CHRDL1: variants seen among roughly 807,000 people sequenced by gnomAD.
CHRDL1 encodes chordin-like protein 1.
A neutral mutation model predicts 40.9 loss-of-function variants in CHRDL1; 19 were observed. The observed-to-expected ratio is 0.46, with a 90% CI of 0.32 to 0.68. The LOEUF is 0.68. CHRDL1 is among the 30% of genes least tolerant of loss of function. The pLI, the probability that CHRDL1 is intolerant of heterozygous loss-of-function variation, is 0.03. For missense variants in CHRDL1, 329 were observed against 352.1 expected (o/e 0.93, Z 0.53); for synonymous variants, 136 against 123.4 (o/e 1.10, Z -0.68).
intron 2 of CHRDL1, among the ~76,000 whole-genome samples, chrX:110,767,204 G>C (rs192244172): frequency 1.0e-3 from 113 of 111,654 alleles, no homozygotes; most frequent in African/African-American, 3.5e-3. Context: ...TGTAATAAAA[G>C]CCATCTATGA....
At chrX:110,744,323 T>C (rs761331774) in intron 4 of CHRDL1, among the ~76,000 whole-genome samples, 6 of 108,640 alleles carry the variant, frequency 5.5e-5, no homozygotes, top group Non-Finnish European at 1.1e-4. Context: ...TTATGTATCC[T>C]GTCCTTTTAG....
chrX:110,708,276 C>A lies in CHRDL1; in HGVS notation c.542-7555G>T, dbSNP rs974214101. Reference sequence around the variant, plus strand: ...GAACCAGAAATACCATTTGACCTAGCAATCCCATTACTGAGTATATACCCA... The same window carrying A: ...GAACCAGAAATACCATTTGACCTAGAAATCCCATTACTGAGTATATACCCA... On this transcript the variant is annotated intron_variant, in intron 6 of 11. Transcript: ENST00000372042. Among the ~76,000 whole-genome samples the A allele has an allele frequency of 2.7e-5, 3 of 110,853 alleles. No individual in the cohort carries two copies. The East Asian group carries it at 8.5e-4, about 32-fold the overall frequency.
chrX:110,787,426 T>C (rs1161412730), intron 2 of CHRDL1, among the ~76,000 whole-genome samples: 1 of 111,891 alleles, frequency 8.9e-6, no homozygotes, highest in East Asian at 2.8e-4. Context: ...GAATATACTT[T>C]GAAAAGCATT....
intron 2 of CHRDL1, among the ~76,000 whole-genome samples, chrX:110,784,666 C>T (rs189024740): frequency 9.0e-6 from 1 of 111,283 alleles, no homozygotes; most frequent in Non-Finnish European, 1.9e-5. Context: ...CCTGCCTGGG[C>T]CTCCCACAGC....
At chrX:110,702,092 G>A (rs893815442) in intron 6 of CHRDL1, among the ~76,000 whole-genome samples, 1 of 111,033 alleles carries the variant, frequency 9.0e-6, no homozygotes, top group Non-Finnish European at 1.9e-5. Flanking sequence ...GTATAATCGT[G>A]TCATTCCCTG....
chrX:110,777,927 A>G (rs910048907), intron 2 of CHRDL1, among the ~76,000 whole-genome samples: 1 of 111,316 alleles, frequency 9.0e-6, no homozygotes, highest in African/African-American at 3.3e-5. Flanking sequence ...ATTGCCCAGA[A>G]CAGAATAAGA....
At chrX:110,786,293 T>C (rs1356173697) in intron 2 of CHRDL1, among the ~76,000 whole-genome samples, 2 of 112,507 alleles carry the variant, frequency 1.8e-5, no homozygotes, top group Admixed American at 1.9e-4. Context: ...TTTTATTTCA[T>C]CTTTAAAAAC....
At chrX:110,722,264 T>C (rs943524780) in intron 4 of CHRDL1, among the ~76,000 whole-genome samples, 1 of 111,406 alleles carries the variant, frequency 9.0e-6, no homozygotes, top group Admixed American at 9.4e-5. Context: ...CCCAAAGTGC[T>C]GGGATTACAG....
chrX:110,734,540 C>T lies in CHRDL1; in HGVS notation c.302-13010G>A, dbSNP rs73528227. Among the ~76,000 whole-genome samples the T allele has an allele frequency of 3.7e-3, 412 of 111,785 alleles. 3 individuals are homozygous for T. The highest frequency in any genetic ancestry group is 0.013 in the African/African-American group (386 of 30,723). Reference sequence around the variant, plus strand: ...ATCTCCAAGAGGAAACTGGAAATGGCCTTCTCTTTTGACAGGTGGAAATGA... The same window carrying T: ...ATCTCCAAGAGGAAACTGGAAATGGTCTTCTCTTTTGACAGGTGGAAATGA... On this transcript the variant is annotated intron_variant, in intron 4 of 11. Coordinates refer to ENST00000372042, the MANE Select transcript of CHRDL1 (RefSeq NM_001143981.2).
At position 110,689,707 on chromosome X, in the gene CHRDL1, CTA is replaced by C. The variant is rs1277008596; in HGVS notation, c.779-906_779-905del. Among the ~76,000 whole-genome samples, 65 of 17,954 alleles carry C rather than the reference CTA, an allele frequency of 3.6e-3. 5 individuals are homozygous for C. The highest frequency in any genetic ancestry group is 4.6e-3 in the Non-Finnish European group (57 of 12,311). 15.6% of individuals were successfully genotyped at this position (17,954 alleles called of 115,157 possible). A position where few individuals can be genotyped will look rare whatever the true frequency, so the allele number is the denominator to read the frequency against. Reference sequence around the variant, plus strand: ...TCTATATATCTATATATCTATATATCTATATATATATCTATATATATCTATAT... The same window carrying C: ...TCTATATATCTATATATCTATATATCTATATATATCTATATATATCTATAT... On this transcript the variant is annotated intron_variant, in intron 8 of 11. Transcript: ENST00000372042.
At position 110,681,476 on chromosome X, in the gene CHRDL1, G is replaced by T; in HGVS notation, c.1156+6C>A. 1 of 1,198,593 alleles carries T rather than the reference G, an allele frequency of 8.3e-7. No homozygotes were observed. Among genetic ancestry groups the T allele is most frequent in the Non-Finnish European group, 1.1e-6 (1 of 885,355 alleles). ...AAAGATGAGAAATTAATGTTGTCTT[G>T]CTCACCCTTTCGAATAGTCCAAACG... On this transcript the variant is annotated splice_donor_region_variant and intron_variant, in intron 10 of 11. Transcript: ENST00000372042.
At chrX:110,767,641 TAAAATAAAA>T (rs1318091705) in intron 2 of CHRDL1, among the ~76,000 whole-genome samples, 8 of 108,043 alleles carry the variant, frequency 7.4e-5, no homozygotes, top group African/African-American at 2.3e-4. Context: ...TAAAATAAAA[TAAAATAAAA>T]TACTTAGGAA....
intron 2 of CHRDL1, among the ~76,000 whole-genome samples, chrX:110,779,167 G>A (rs141314056): frequency 0.017 from 1,857 of 110,689 alleles, 44 homozygotes; most frequent in African/African-American, 0.058. Flanking sequence ...AGTATTTGGG[G>A]ACAAAATTAT....
chrX:110,748,306 C>T (rs2148494518), intron 4 of CHRDL1, among the ~76,000 whole-genome samples: 1 of 112,232 alleles, frequency 8.9e-6, no homozygotes, highest in Non-Finnish European at 1.9e-5. Context: ...TGGAAAAGTA[C>T]TTCTCCAGAT....
At chrX:110,729,211 T>C (rs1223996971) in intron 4 of CHRDL1, among the ~76,000 whole-genome samples, 3 of 112,127 alleles carry the variant, frequency 2.7e-5, no homozygotes, top group African/African-American at 9.7e-5. Flanking sequence ...ATTCTGAGGC[T>C]ATGTGGATTC....
At chrX:110,731,996 G>A (rs10127214) in intron 4 of CHRDL1, among the ~76,000 whole-genome samples, 1,676 of 101,152 alleles carry the variant, frequency 0.017, 34 homozygotes, top group African/African-American at 0.066. Context: ...TCAATAAAGC[G>A]TTACCAAAAA....
chrX:110,696,194 C>T (rs901901047), intron 7 of CHRDL1, among the ~76,000 whole-genome samples: 2 of 111,263 alleles, frequency 1.8e-5, no homozygotes, highest in Non-Finnish European at 3.8e-5. Context: ...GTTGTTGACC[C>T]AGGATAAGCT....
intron 9 of CHRDL1, among the ~76,000 whole-genome samples, chrX:110,687,762 C>G (rs2070055042): frequency 9.0e-6 from 1 of 111,704 alleles, no homozygotes; most frequent in Non-Finnish European, 1.9e-5. Flanking sequence ...CACAGGAAAC[C>G]TGTGGCAAGA....
chrX:110,729,014 C>G (rs745346761), intron 4 of CHRDL1, among the ~76,000 whole-genome samples: 1 of 112,127 alleles, frequency 8.9e-6, no homozygotes, highest in South Asian at 3.8e-4. Flanking sequence ...GTTATCCCAG[C>G]TACTCTGGAG....
Sources: gnomAD v4.1 joint callset for allele counts (sites outside exome capture counted in the v4.1 genomes callset) on GRCh38, gnomAD v4.1.1 for gene constraint, MANE v1.5 for transcripts, NCBI Gene and HGNC (gene_info 2026-07-23, HGNC 2026-07-21) for gene names.